Variants in KLHL14 observed in about 807,000 individuals in gnomAD.
KLHL14 encodes kelch like family member 14, also known as kelch-like protein 14.
Under a neutral mutation model 64.3 loss-of-function variants are expected in KLHL14, and 22 were observed. The ratio of observed to expected loss-of-function variants is 0.34; its 90% confidence interval spans 0.24 to 0.49. KLHL14 has a LOEUF of 0.49. KLHL14 is among the 20% of genes least tolerant of loss of function. The pLI, the probability that KLHL14 is intolerant of heterozygous loss-of-function variation, is 0.99. For missense variants in KLHL14, 661 were observed against 789.0 expected, an observed-to-expected ratio of 0.84 and a Z score of 1.94; for synonymous variants, 322 against 333.4, an observed-to-expected ratio of 0.97 and a Z score of 0.37.
Position 32,695,496 on chromosome 18 carries a change from C to T in KLHL14, c.1126G>A (p.Val376Met), listed in dbSNP as rs201071621. The change falls in exon 4 of 9, where the codon GTG becomes ATG. Residue 376 changes from valine to methionine, a missense_variant. By Grantham distance (21) the Val-to-Met change is conservative. Transcript: ENST00000359358. ...CVVEVENFLFVLGGEDQWNPN... is the reference protein window; with the variant it reads ...CVVEVENFLFMLGGEDQWNPN... ...TTCCACTGGTCCTCTCCACCCAACA[C>T]GAACAAGAAGTTTTCCACCTCCACA... The T allele has an allele frequency of 9.4e-5, 152 of 1,612,906 alleles. No individual in the cohort carries two copies. Among genetic ancestry groups the T allele is most frequent in the East Asian group, 1.6e-4 (7 of 44,790 alleles).
At chr18:32,763,434 C>T (rs536521337) in intron 2 of KLHL14, among the ~76,000 whole-genome samples, 1 of 151,708 alleles carries the variant, frequency 6.6e-6, no homozygotes, top group East Asian at 1.9e-4. Flanking sequence ...TTTGTAAATG[C>T]CACATCTCCA....
chr18:32,688,310 C>T (rs930353806), intron 4 of KLHL14, among the ~76,000 whole-genome samples: 1 of 152,002 alleles, frequency 6.6e-6, no homozygotes, highest in African/African-American at 2.4e-5. Flanking sequence ...GACATGTCCA[C>T]CCAACACAAT....
intron 3 of KLHL14, among the ~76,000 whole-genome samples, chr18:32,730,038 T>C (rs2050129547): frequency 6.6e-6 from 1 of 152,256 alleles, no homozygotes; most frequent in South Asian, 2.1e-4. Context: ...TGTTTTCATC[T>C]TAAAGTCATG....
intron 2 of KLHL14, among the ~76,000 whole-genome samples, chr18:32,757,679 C>T (rs2050288911): frequency 6.6e-6 from 1 of 151,902 alleles, no homozygotes; most frequent in Non-Finnish European, 1.5e-5. Context: ...GTAAATAAGT[C>T]GAGTAATGAA....
intron 3 of KLHL14, among the ~76,000 whole-genome samples, chr18:32,716,842 G>A (rs1191778139): frequency 6.6e-6 from 1 of 151,958 alleles, no homozygotes; most frequent in Admixed American, 6.6e-5. Flanking sequence ...TTTCAAATAT[G>A]ACTTTTGTAG....
intron 3 of KLHL14, among the ~76,000 whole-genome samples, chr18:32,701,820 C>A (rs554113530): frequency 6.6e-6 from 1 of 152,128 alleles, no homozygotes; most frequent in Non-Finnish European, 1.5e-5. Flanking sequence ...CTGTTACAAG[C>A]AGTGCTGTGT....
chr18:32,762,757 G>A (rs2050321196), intron 2 of KLHL14, among the ~76,000 whole-genome samples: 1 of 152,040 alleles, frequency 6.6e-6, no homozygotes, highest in African/African-American at 2.4e-5. Flanking sequence ...AGTAATGCCT[G>A]TATTGTGAAT....
intron 3 of KLHL14, among the ~76,000 whole-genome samples, chr18:32,728,040 C>G (rs73955268): frequency 0.054 from 8,162 of 152,102 alleles, 667 homozygotes; most frequent in African/African-American, 0.18. Context: ...AGAAAATAAT[C>G]CAATATTATA....
chr18:32,727,116 C>T (rs1275205368), intron 3 of KLHL14, among the ~76,000 whole-genome samples: 4 of 152,164 alleles, frequency 2.6e-5, no homozygotes, highest in African/African-American at 4.8e-5. Context: ...GTGTTGGCTA[C>T]TATATTTGTG....
chr18:32,762,798 A>AAATGAAC (rs755296425), intron 2 of KLHL14, among the ~76,000 whole-genome samples: 17 of 152,192 alleles, frequency 1.1e-4, no homozygotes, highest in Non-Finnish European at 1.9e-4. Flanking sequence ...AGGACATGGA[A>AAATGAAC]AATGAACATG....
At chr18:32,743,665 A>T (rs144163134) in intron 2 of KLHL14, 1 of 152,180 alleles carries the variant, frequency 6.6e-6, no homozygotes, top group Non-Finnish European at 1.5e-5. Flanking sequence ...AACAGTACCC[A>T]TATGCTTTAT....
At chr18:32,711,681 C>T (rs1329394978) in intron 3 of KLHL14, among the ~76,000 whole-genome samples, 1 of 152,148 alleles carries the variant, frequency 6.6e-6, no homozygotes, top group African/African-American at 2.4e-5. Flanking sequence ...AGTAGCAAGG[C>T]CTAAATCCAT....
intron 3 of KLHL14, among the ~76,000 whole-genome samples, chr18:32,726,493 G>A (rs2050108838): frequency 6.6e-6 from 1 of 151,906 alleles, no homozygotes; most frequent in Non-Finnish European, 1.5e-5. Flanking sequence ...GCGTGGTCGT[G>A]GGCGCCTGTA....
chr18:32,704,573 T>A (rs975922117), intron 3 of KLHL14, among the ~76,000 whole-genome samples: 1 of 151,934 alleles, frequency 6.6e-6, no homozygotes, highest in African/African-American at 2.4e-5. Flanking sequence ...AAATACAAAA[T>A]TAGCCGGGCA....
Position 32,696,463 on chromosome 18 carries a change from A to G in KLHL14, c.1070-911T>C, listed in dbSNP as rs576694369. On this transcript the variant is annotated intron_variant, in intron 3 of 8. Transcript: ENST00000359358. ...GTAAACGTATACAGCATTAGTTATC[A>G]TATCTCCTACAGTGGTTTGGGCCCA... 3.3e-5 allele frequency among the ~76,000 whole-genome samples: 5 copies of G among 152,322 alleles called. No homozygotes were observed. In the South Asian group the frequency reaches 1.0e-3, roughly 32 times the overall value.
intron 5 of KLHL14, among the ~76,000 whole-genome samples, chr18:32,684,705 C>T (rs1201822958): frequency 1.7e-5 from 2 of 120,572 alleles, no homozygotes; most frequent in African/African-American, 6.2e-5. Flanking sequence ...CGGGGAACTT[C>T]CGGTTTCATT....
At chr18:32,744,645 A>C (rs1050842652) in intron 2 of KLHL14, 1 of 149,852 alleles carries the variant, frequency 6.7e-6, no homozygotes, top group Non-Finnish European at 1.5e-5. Flanking sequence ...ACTCCATCTC[A>C]AAAAAAAAAT....
intron 8 of KLHL14, 115 bp from the exon 9 acceptor site, chr18:32,674,912 C>T: frequency 5.0e-6 from 3 of 599,060 alleles, no homozygotes; most frequent in Non-Finnish European, 6.1e-6. Context: ...TCCATTCTTG[C>T]TAAATAATTC....
In KLHL14 at chr18:32,674,283, A is replaced by G. The variant is rs2049799933; in HGVS notation, c.*374T>C. On this transcript the variant is annotated 3_prime_UTR_variant, in exon 9 of 9. Coordinates refer to ENST00000359358, the MANE Select transcript of KLHL14 (RefSeq NM_020805.3). ...AACACAATATCCCCGAAATGTCAACATAGATCACATGCAGGTAGACTACAA... is the reference window on the plus strand; with the variant it reads ...AACACAATATCCCCGAAATGTCAACGTAGATCACATGCAGGTAGACTACAA... 1 of 169,110 alleles carries G rather than the reference A, an allele frequency of 5.9e-6. No individual in the cohort carries two copies. The allele number at this position is 169,110 out of a possible 1,614,324, so 10.5% of individuals were successfully genotyped here.
Sources: gnomAD v4.1 joint callset for allele counts (sites outside exome capture counted in the v4.1 genomes callset) on GRCh38, gnomAD v4.1.1 for gene constraint, MANE v1.5 for transcripts, NCBI Gene and HGNC (gene_info 2026-07-23, HGNC 2026-07-21) for gene names.